The following ZNF316 variants were observed in gnomAD, a reference collection of about 807,000 sequenced individuals.
The protein encoded by ZNF316 is zinc finger protein 316.
A neutral mutation model predicts 75.6 loss-of-function variants in ZNF316; 23 were observed. The ratio of observed to expected loss-of-function variants is 0.30; its 90% confidence interval spans 0.22 to 0.43. ZNF316 has a LOEUF of 0.43. ZNF316 is among the 20% of genes least tolerant of loss of function. ZNF316 has a pLI of 1.00. For missense variants in ZNF316, 1,266 were observed against 1,409.4 expected (o/e 0.90, Z 1.63); for synonymous variants, 827 against 666.2 (o/e 1.24, Z -3.72).
intron 3 of ZNF316, among the ~76,000 whole-genome samples, chr7:6,641,243 C>G (rs922962485): frequency 1.3e-5 from 2 of 152,228 alleles, no homozygotes; most frequent in Non-Finnish European, 2.9e-5. Flanking sequence ...TCTGTGTGGC[C>G]AAGTGGCCTG....
rs1554291007 is a variant in ZNF316, at chr7:6,653,644, C to T, written c.2048C>T (p.Ala683Val). 6 of 1,067,266 alleles carry T rather than the reference C, an allele frequency of 5.6e-6. No individual in the cohort carries two copies. The highest frequency in any genetic ancestry group is 1.2e-4 in the East Asian group (2 of 17,108). The allele number at this position is 1,067,266 out of a possible 1,614,324, so 66.1% of individuals were successfully genotyped here. ...CTGCTGGCGGAGCCCGCGCCGGCCG[C>T]GCTGGCGGAGGAGGAGAGCCCGTGG... ...GGLLAEPAPA[A>V]LAEEESPWIC... The change falls in exon 9 of 9, where the codon GCG becomes GTG. Residue 683 changes from alanine to valine, a missense_variant. Physicochemically the swap from Ala to Val is moderately conservative, Grantham distance 64 (BLOSUM62 0). Coordinates refer to ENST00000382252, the MANE Select transcript of ZNF316 (RefSeq NM_001278559.2).
rs1779656236 is a variant in ZNF316, at chr7:6,657,983, G to C, written c.*3372G>C. On this transcript the variant is annotated 3_prime_UTR_variant, in exon 9 of 9. Transcript: ENST00000382252. ...AAAAGTAGACACCCTTTATTGCCAA[G>C]GAGGAATTAAACCCTAGTGACTTGT... Among the ~76,000 whole-genome samples, 1 of 152,094 alleles carries C rather than the reference G, an allele frequency of 6.6e-6. No individual in the cohort carries two copies. The highest frequency in any genetic ancestry group is 2.4e-5 in the African/African-American group (1 of 41,418).
chr7:6,652,795 C>T lies in ZNF316; in HGVS notation c.1199C>T (p.Pro400Leu), dbSNP rs1779534292. The change falls in exon 9 of 9, where the codon CCC becomes CTC. Residue 400 changes from proline (P) to leucine (L), a missense_variant. Transcript: ENST00000382252. ...CAGCGCACGCACACCGGCGAGAAGCCCTTCCCGTGCCCGGACTGCGGCAAG... is the reference window on the plus strand; with the variant it reads ...CAGCGCACGCACACCGGCGAGAAGCTCTTCCCGTGCCCGGACTGCGGCAAG... Reference protein sequence around the residue: ...IHQRTHTGEKPFPCPDCGKRF... With the variant: ...IHQRTHTGEKLFPCPDCGKRF... 2 of 1,271,904 alleles carry T rather than the reference C, an allele frequency of 1.6e-6. No homozygotes were observed. The highest frequency in any genetic ancestry group is 3.0e-5 in the East Asian group (1 of 33,360). The allele number at this position is 1,271,904 out of a possible 1,614,324, so 78.8% of individuals were successfully genotyped here.
rs1250705829 is a variant in ZNF316, at chr7:6,655,789, G to T, written c.*1178G>T. The stretch of plus-strand genomic sequence containing the variant: ...TGCACAGTGGCTGTCCACCTCGGGG[G>T]GGTGTGGACCTGAGCCGTGGCTCAG... On this transcript the variant is annotated 3_prime_UTR_variant, in exon 9 of 9. Transcript: ENST00000382252. The T allele has an allele frequency of 6.6e-6, 1 of 152,150 alleles. No homozygotes were observed. The highest frequency in any genetic ancestry group is 1.5e-5 in the Non-Finnish European group (1 of 68,076). The allele number at this position is 152,150 out of a possible 1,614,324, so 9.4% of individuals were successfully genotyped here. A position where few individuals can be genotyped will look rare whatever the true frequency, so the allele number is the denominator to read the frequency against.
intron 8 of ZNF316, among the ~76,000 whole-genome samples, chr7:6,645,947 C>T (rs373572262): frequency 1.9e-4 from 28 of 145,670 alleles, no homozygotes. Flanking sequence ...TGGGCCAAGA[C>T]TGCGCCACTG....
At position 6,654,091 on chromosome 7, in the gene ZNF316, G is replaced by A. The variant is rs1779571434; in HGVS notation, c.2495G>A (p.Arg832His). 9 of 1,216,738 alleles carry A rather than the reference G, an allele frequency of 7.4e-6. No individual in the cohort carries two copies. Among genetic ancestry groups the A allele is most frequent in the South Asian group, 3.8e-5 (1 of 25,976 alleles). The allele number at this position is 1,216,738 out of a possible 1,614,324, so 75.4% of individuals were successfully genotyped here. ...QWAHAEEKPH[R>H]CPDCGKGFGH... is the part of the protein sequence containing the mutation. ...GCGCACGCCGAGGAGAAGCCGCACC[G>A]CTGCCCCGACTGCGGCAAGGGCTTC... The change falls in exon 9 of 9, where the codon CGC becomes CAC. Residue 832 changes from arginine to histidine, a missense_variant. By Grantham distance (29) the Arg-to-His change is conservative. Around this residue, in one of 3 missense-constraint regions of ZNF316, gnomAD observed 194 missense variants for 319.2 expected, o/e 0.61. Transcript: ENST00000382252.
intron 8 of ZNF316, 33 bp from the exon 9 acceptor site, chr7:6,652,270 C>T: frequency 4.1e-6 from 5 of 1,232,232 alleles, no homozygotes; most frequent in African/African-American, 1.5e-5. Context: ...GTTCACTTAC[C>T]TCTCTCTTCT....
At position 6,654,624 on chromosome 7, in the gene ZNF316, C is replaced by A. The variant is rs1377516519; in HGVS notation, c.*13C>A. On this transcript the variant is annotated 3_prime_UTR_variant, in exon 9 of 9. Transcript: ENST00000382252. ...GGGCGTCCTGTGAGGGGCCCGGGGC[C>A]GACAGCAGCGCAGCCTGCAGGGCCA... is the stretch of plus-strand genomic sequence containing the variant. The A allele has an allele frequency of 1.2e-5, 14 of 1,184,294 alleles. No homozygotes were observed. Among genetic ancestry groups the A allele is most frequent in the Non-Finnish European group, 1.4e-5 (13 of 957,368 alleles). The allele number at this position is 1,184,294 out of a possible 1,614,324, so 73.4% of individuals were successfully genotyped here.
rs184933188 is a variant in ZNF316 at position 6,658,058 on chromosome 7, C to T, written c.*3447C>T. ...ACTTAGAGGGTCCCTCAGCCCTGAG[C>T]GTCACTTTCCCCTCCATCTACCTTT... is the stretch of plus-strand genomic sequence containing the variant. On this transcript the variant is annotated 3_prime_UTR_variant, in exon 9 of 9. Transcript: ENST00000382252. Among the ~76,000 whole-genome samples the T allele has an allele frequency of 1.3e-5, 2 of 152,206 alleles. No individual in the cohort carries two copies. The highest frequency in any genetic ancestry group is 6.5e-5 in the Admixed American group (1 of 15,282).
At chr7:6,650,846 C>A (rs1779495166) in intron 8 of ZNF316, among the ~76,000 whole-genome samples, 1 of 152,172 alleles carries the variant, frequency 6.6e-6, no homozygotes, top group South Asian at 2.1e-4. Flanking sequence ...ATCCCTGTGT[C>A]CCGTGACTTA....
rs1267406801 is a variant in ZNF316 at position 6,652,934 on chromosome 7, G to T, written c.1338G>T (p.Thr446=). ...TCGGGCGCCGCTCCTACCTGGTCAC[G>T]CACCAGCGCACGCACACCGGCGAGC... is the stretch of plus-strand genomic sequence containing the variant. ...AGFGRRSYLV[T]HQRTHTGERP... Residue 446 remains threonine, a synonymous_variant, in exon 9 of 9, where the codon ACG becomes ACT. Coordinates refer to ENST00000382252, the MANE Select transcript of ZNF316 (RefSeq NM_001278559.2). The T allele has an allele frequency of 7.5e-5, 93 of 1,239,966 alleles. No homozygotes were observed. Among genetic ancestry groups the T allele is most frequent in the Non-Finnish European group, 8.9e-5 (88 of 992,210 alleles). The allele number at this position is 1,239,966 out of a possible 1,614,324, so 76.8% of individuals were successfully genotyped here. A position where few individuals can be genotyped will look rare whatever the true frequency, so the allele number is the denominator to read the frequency against.
intron 3 of ZNF316, among the ~76,000 whole-genome samples, chr7:6,641,604 G>T (rs896457055): frequency 6.6e-6 from 1 of 152,238 alleles, no homozygotes; most frequent in Non-Finnish European, 1.5e-5. Context: ...TGTTACTGAT[G>T]TCAGTGAGAG....
Position 6,654,263 on chromosome 7 carries a change from C to T in ZNF316, c.2667C>T (p.Cys889=), listed in dbSNP as rs1779573956. The T allele has an allele frequency of 8.2e-7, 1 of 1,223,858 alleles. No individual in the cohort carries two copies. Among genetic ancestry groups the T allele is most frequent in the Non-Finnish European group, 1.0e-6 (1 of 982,222 alleles). 75.8% of individuals were successfully genotyped at this position (1,223,858 alleles called of 1,614,324 possible). Reference sequence around the variant, plus strand: ...ACACGGGCGAACGCCCCTTCCCGTGCCCTGAGTGCGGCAAGCGCTTTTCGC... The same window carrying T: ...ACACGGGCGAACGCCCCTTCCCGTGTCCTGAGTGCGGCAAGCGCTTTTCGC... ...RGHTGERPFP[C]PECGKRFSQR... The change falls in exon 9 of 9, where the codon TGC becomes TGT. Residue 889 remains cysteine, a synonymous_variant. Coordinates refer to ENST00000382252, the MANE Select transcript of ZNF316 (RefSeq NM_001278559.2).
rs1410576931 is a variant in ZNF316 at position 6,653,411 on chromosome 7, G to C, written c.1815G>C (p.Lys605Asn). ...GCTTCCACTTCCCCGTGCACCCCAAGTCCTGGCTGCACCCGGACAGCTTCC... is the reference window on the plus strand; with the variant it reads ...GCTTCCACTTCCCCGTGCACCCCAACTCCTGGCTGCACCCGGACAGCTTCC... Reference protein sequence around the residue: ...PLGFHFPVHPKSWLHPDSFPI... With the variant: ...PLGFHFPVHPNSWLHPDSFPI... The change falls in exon 9 of 9, where the codon AAG becomes AAC. Residue 605 changes from lysine (K) to asparagine (N), a missense_variant. This residue lies in a region of ZNF316 where 961 missense variants were observed against 990.9 expected (regional missense o/e 0.97). Transcript: ENST00000382252. 8.1e-7 allele frequency: 1 copy of C among 1,227,778 alleles called. No individual in the cohort carries two copies. The allele number at this position is 1,227,778 out of a possible 1,614,324, so 76.1% of individuals were successfully genotyped here.
Position 6,654,649 on chromosome 7 carries a change from ACCGGCCCCTCCCTTGGACGG to A in ZNF316, c.*47_*66del. 2.6e-6 allele frequency: 3 copies of A among 1,170,778 alleles called. No homozygotes were observed. The highest frequency in any genetic ancestry group is 3.2e-6 in the Non-Finnish European group (3 of 948,182). 72.5% of individuals were successfully genotyped at this position (1,170,778 alleles called of 1,614,324 possible). ...CGACAGCAGCGCAGCCTGCAGGGCC[ACCGGCCCCTCCCTTGGACGG>A]CCGGCCCCCCGCTCCTCGGGCCCCG... is the stretch of plus-strand genomic sequence containing the variant. On this transcript the variant is annotated 3_prime_UTR_variant, in exon 9 of 9. Transcript: ENST00000382252.
At chr7:6,645,423 C>T (rs1361912390) in intron 8 of ZNF316, among the ~76,000 whole-genome samples, 2 of 152,144 alleles carry the variant, frequency 1.3e-5, no homozygotes, top group African/African-American at 2.4e-5. Context: ...GTGGCTCATG[C>T]CTATAATCCC....
chr7:6,653,003 C>T lies in ZNF316; in HGVS notation c.1407C>T (p.Ser469=). ...CSHCGRSFSQ[S]SALARHQAVH... ...ACTGCGGCCGCAGCTTCAGCCAGAG[C>T]TCGGCGCTGGCACGGCACCAGGCGG... The change falls in exon 9 of 9, where the codon AGC becomes AGT. Residue 469 remains serine, a synonymous_variant. Transcript: ENST00000382252. 4 of 1,229,950 alleles carry T rather than the reference C, an allele frequency of 3.3e-6. No homozygotes were observed. The highest frequency in any genetic ancestry group is 4.2e-5 in the Admixed American group (1 of 23,566). The allele number at this position is 1,229,950 out of a possible 1,614,324, so 76.2% of individuals were successfully genotyped here.
rs1779334741 is a variant in ZNF316 at position 6,642,843 on chromosome 7, G to A, written c.355+79G>A. ...GGCCAGGGACCTGGTCAAGCCAGGA[G>A]GGCTCTTGGGCCGACAGGGTGGAGC... On this transcript the variant is annotated intron_variant, in intron 5 of 8. Coordinates refer to ENST00000382252, the MANE Select transcript of ZNF316 (RefSeq NM_001278559.2). The surrounding 1 kb of genome is among the most constrained non-coding windows in gnomAD (Gnocchi z 8.1). 3 of 1,098,616 alleles carry A rather than the reference G, an allele frequency of 2.7e-6. No individual in the cohort carries two copies. The highest frequency in any genetic ancestry group is 3.4e-6 in the Non-Finnish European group (3 of 870,028). The allele number at this position is 1,098,616 out of a possible 1,614,324, so 68.1% of individuals were successfully genotyped here. A position where few individuals can be genotyped will look rare whatever the true frequency, so the allele number is the denominator to read the frequency against.
chr7:6,643,410 G>T (rs957182656), intron 6 of ZNF316, among the ~76,000 whole-genome samples: 5 of 152,256 alleles, frequency 3.3e-5, no homozygotes, highest in African/African-American at 1.2e-4. Context: ...CCAGGGTCTG[G>T]GTTCCTGCTG....
Sources: gnomAD v4.1 joint callset for allele counts (sites outside exome capture counted in the v4.1 genomes callset) on GRCh38, gnomAD v4.1.1 for gene constraint, gnomAD v4.1.1 regional missense constraint, Gnocchi (gnomAD v3.1) non-coding constraint, MANE v1.5 for transcripts, NCBI Gene and HGNC (gene_info 2026-07-23, HGNC 2026-07-21) for gene names.